The following KLHL4 variants were observed in gnomAD, a reference collection of about 807,000 sequenced individuals.
The protein encoded by KLHL4 is kelch-like protein 4.
Under a neutral mutation model 45.8 loss-of-function variants are expected in KLHL4, and 17 were observed. That is an observed-to-expected ratio of 0.37 (90% CI 0.25 to 0.56). The LOEUF (loss-of-function observed/expected upper bound fraction) is 0.56. Ranked by LOEUF, KLHL4 falls within the 20% of genes least tolerant of loss-of-function variation. KLHL4 has a pLI of 0.79. For synonymous variants in KLHL4, 224 were observed against 189.9 expected, an observed-to-expected ratio of 1.18 and a Z score of -1.47; for missense variants, 544 against 544.9, an observed-to-expected ratio of 1.00 and a Z score of 0.02.
chrX:87,659,981 T>C (rs866776081), intron 9 of KLHL4, among the ~76,000 whole-genome samples: 3 of 108,881 alleles, frequency 2.8e-5, no homozygotes, highest in Admixed American at 9.8e-5. Context: ...TGTGTGTGTG[T>C]GCACGTGTGT....
chrX:87,579,662 A>G (rs1212742845), intron 1 of KLHL4, among the ~76,000 whole-genome samples: 1 of 112,067 alleles, frequency 8.9e-6, no homozygotes, highest in Non-Finnish European at 1.9e-5. Context: ...ACCTTTCAGG[A>G]CATAAGGTAG....
intron 1 of KLHL4, among the ~76,000 whole-genome samples, chrX:87,585,160 A>C (rs781191000): frequency 9.0e-6 from 1 of 111,703 alleles, no homozygotes; most frequent in South Asian, 3.7e-4. Context: ...AAACATGAAA[A>C]GGAAATAAAG....
At chrX:87,635,505 TTG>T (rs1372622751) in intron 8 of KLHL4, 56 bp from the exon 9 acceptor site, 78 of 891,928 alleles carry the variant, frequency 8.7e-5, no homozygotes, top group South Asian at 3.1e-4. Context: ...TGCATGCATT[TTG>T]TGTGTATATG....
intron 9 of KLHL4, among the ~76,000 whole-genome samples, chrX:87,662,831 G>C (rs762949048): frequency 8.0e-4 from 86 of 107,836 alleles, no homozygotes; most frequent in African/African-American, 2.5e-3. Flanking sequence ...TTGGGAGGCT[G>C]AGGCAGGAGA....
intron 1 of KLHL4, among the ~76,000 whole-genome samples, chrX:87,595,853 T>A (rs1418816142): frequency 9.0e-6 from 1 of 111,416 alleles, no homozygotes; most frequent in Non-Finnish European, 1.9e-5. Flanking sequence ...AAATATAAAC[T>A]TTAATGCATA....
At chrX:87,547,343 G>A (rs1390316770) in intron 1 of KLHL4, among the ~76,000 whole-genome samples, 1 of 111,079 alleles carries the variant, frequency 9.0e-6, no homozygotes, top group East Asian at 2.9e-4. Flanking sequence ...TCTCTGGCCT[G>A]CTGCAGTTTA....
At chrX:87,664,248 C>A (rs1448706310) in intron 9 of KLHL4, among the ~76,000 whole-genome samples, 1 of 111,680 alleles carries the variant, frequency 9.0e-6, no homozygotes, top group South Asian at 3.7e-4. Flanking sequence ...GGGAAAAACA[C>A]AGGATAAGTC....
intron 1 of KLHL4, among the ~76,000 whole-genome samples, chrX:87,567,720 C>T (rs1009902384): frequency 2.8e-4 from 31 of 111,345 alleles, no homozygotes; most frequent in African/African-American, 8.5e-4. Context: ...AAATTAAATA[C>T]CGCATGTTCT....
intron 1 of KLHL4, among the ~76,000 whole-genome samples, chrX:87,563,870 AT>A (rs1418342669): frequency 1.8e-5 from 2 of 111,011 alleles, no homozygotes; most frequent in African/African-American, 6.5e-5. Flanking sequence ...AAAGATACAA[AT>A]AACACATGAA....
chrX:87,617,912 T>C lies in KLHL4; in HGVS notation c.728-20T>C. 8.6e-7 allele frequency: 1 copy of C among 1,162,618 alleles called. No individual in the cohort carries two copies. The highest frequency in any genetic ancestry group is 1.2e-6 in the Non-Finnish European group (1 of 864,517). On this transcript the variant is annotated intron_variant, in intron 3 of 10. Coordinates refer to ENST00000373119, the MANE Select transcript of KLHL4 (RefSeq NM_019117.5). ...CTTTATGGAACTTATAATCATTCTT[T>C]GCTTTTTCAAACCATCTAGGAGTCC...
At chrX:87,611,323 T>C (rs1194460077) in intron 1 of KLHL4, among the ~76,000 whole-genome samples, 1 of 111,211 alleles carries the variant, frequency 9.0e-6, no homozygotes, top group Non-Finnish European at 1.9e-5. Context: ...TACTAGTGTT[T>C]AAGATTGGAG....
chrX:87,549,330 A>C (rs1451979229), intron 1 of KLHL4, among the ~76,000 whole-genome samples: 2 of 111,258 alleles, frequency 1.8e-5, no homozygotes, highest in Admixed American at 1.9e-4. Flanking sequence ...ATAGCTAAAA[A>C]CTTCAGCACC....
chrX:87,536,786 A>G (rs1045601566), intron 1 of KLHL4, among the ~76,000 whole-genome samples: 3 of 111,535 alleles, frequency 2.7e-5, no homozygotes, highest in African/African-American at 3.2e-5. Context: ...TTCTGTGCAA[A>G]ATTAATATAT....
At chrX:87,619,057 A>G (rs1207554694) in intron 4 of KLHL4, among the ~76,000 whole-genome samples, 1 of 111,604 alleles carries the variant, frequency 9.0e-6, no homozygotes, top group Non-Finnish European at 1.9e-5. Flanking sequence ...ACAGAGTAAA[A>G]ATAAACTTTT....
chrX:87,535,944 A>G (rs1569336198), intron 1 of KLHL4, among the ~76,000 whole-genome samples: 1 of 109,763 alleles, frequency 9.1e-6, no homozygotes. Context: ...TTCACCTGCC[A>G]TGATTGTTAA....
At chrX:87,523,960 C>T (rs1053976900) in intron 1 of KLHL4, among the ~76,000 whole-genome samples, 8 of 110,073 alleles carry the variant, frequency 7.3e-5, no homozygotes, top group African/African-American at 2.6e-4. Context: ...GAAACTCCGT[C>T]TCAAAAAAAT....
intron 9 of KLHL4, among the ~76,000 whole-genome samples, chrX:87,652,265 AGAG>A (rs1923842080): frequency 1.8e-5 from 2 of 112,527 alleles, no homozygotes; most frequent in South Asian, 7.4e-4. Context: ...GGCATGCCCT[AGAG>A]ACATTTTCCC....
chrX:87,540,348 AT>A (rs1351906644), intron 1 of KLHL4, among the ~76,000 whole-genome samples: 1 of 111,948 alleles, frequency 8.9e-6, no homozygotes, highest in Non-Finnish European at 1.9e-5. Flanking sequence ...TACTTTATAT[AT>A]TTTTTAACTT....
At chrX:87,531,968 A>C (rs1416700658) in intron 1 of KLHL4, among the ~76,000 whole-genome samples, 1 of 105,192 alleles carries the variant, frequency 9.5e-6, no homozygotes, top group African/African-American at 3.5e-5. Context: ...TCTTCACAGA[A>C]TTGGAAAAAA....
Sources: gnomAD v4.1 joint callset for allele counts (sites outside exome capture counted in the v4.1 genomes callset) on GRCh38, gnomAD v4.1.1 for gene constraint, MANE v1.5 for transcripts, NCBI Gene and HGNC (gene_info 2026-07-23, HGNC 2026-07-21) for gene names.